NPAS3: variants seen among roughly 807,000 people sequenced by gnomAD.
NPAS3 encodes the protein neuronal PAS domain protein 3.
In NPAS3, 14 loss-of-function variants were observed where a neutral mutation model predicts 73.1. That is an observed-to-expected ratio of 0.19 (90% CI 0.13 to 0.30). NPAS3 has a LOEUF of 0.30. Ranked by LOEUF, NPAS3 falls within the 10% of genes least tolerant of loss-of-function variation. NPAS3 has a pLI of 1.00. For synonymous variants in NPAS3, 620 were observed against 541.5 expected (o/e 1.14, Z -2.01); for missense variants, 1,096 against 1,250.0 (o/e 0.88, Z 1.86).
intron 2 of NPAS3, among the ~76,000 whole-genome samples, chr14:33,100,548 T>TA (rs1181604911): frequency 6.6e-6 from 1 of 152,198 alleles, no homozygotes; most frequent in Non-Finnish European, 1.5e-5. Context: ...GGTAAACTGT[T>TA]ACCTATTTTT....
At chr14:32,935,366 G>A (rs2035664492), upstream of NPAS3, among the ~76,000 whole-genome samples, 1 of 152,180 alleles carries the variant, frequency 6.6e-6, no homozygotes, top group South Asian at 2.1e-4. Flanking sequence ...GCCGGATGCG[G>A]ACCCGCGCAT....
At chr14:33,199,359 G>T (rs968049627) in intron 2 of NPAS3, among the ~76,000 whole-genome samples, 1 of 152,198 alleles carries the variant, frequency 6.6e-6, no homozygotes, top group East Asian at 1.9e-4. Context: ...TGGCAAATGT[G>T]AAGGTCTAGG....
At chr14:33,409,248 C>T (rs887865053) in intron 4 of NPAS3, among the ~76,000 whole-genome samples, 1 of 152,082 alleles carries the variant, frequency 6.6e-6, no homozygotes, top group Non-Finnish European at 1.5e-5. Context: ...AGGATAGTAA[C>T]TGATTAGAGG....
intron 6 of NPAS3, among the ~76,000 whole-genome samples, chr14:33,734,119 C>T (rs771785713): frequency 3.9e-5 from 6 of 152,112 alleles, no homozygotes; most frequent in Non-Finnish European, 8.8e-5. Flanking sequence ...CTCTTTATTA[C>T]ACATATTTCT....
At chr14:33,119,745 T>C (rs2043174428) in intron 2 of NPAS3, among the ~76,000 whole-genome samples, 2 of 152,144 alleles carry the variant, frequency 1.3e-5, no homozygotes, top group African/African-American at 2.4e-5. Context: ...AATCAAGATC[T>C]ATTGTTCACG....
At chr14:33,177,039 AT>A in intron 2 of NPAS3, among the ~76,000 whole-genome samples, 1 of 149,324 alleles carries the variant, frequency 6.7e-6, no homozygotes, top group East Asian at 2.0e-4. Context: ...GTCTATCCAG[AT>A]TCTTTATTTT....
intron 5 of NPAS3, among the ~76,000 whole-genome samples, chr14:33,596,025 C>T (rs188942920): frequency 2.2e-4 from 33 of 152,298 alleles, no homozygotes; most frequent in Non-Finnish European, 3.8e-4. Flanking sequence ...CACTTTACGT[C>T]GGTACCAATG....
chr14:33,242,613 G>C (rs988782049), intron 3 of NPAS3, among the ~76,000 whole-genome samples: 3 of 152,024 alleles, frequency 2.0e-5, no homozygotes, highest in African/African-American at 7.2e-5. Context: ...GTTCAGATGC[G>C]TCAACATTAT....
chr14:32,965,737 G>T (rs1357455868), intron 1 of NPAS3, among the ~76,000 whole-genome samples: 1 of 152,016 alleles, frequency 6.6e-6, no homozygotes, highest in Non-Finnish European at 1.5e-5. Context: ...AGAAATACAG[G>T]GCATCCAAAT....
At chr14:33,484,859 T>C (rs1426157290) in intron 4 of NPAS3, among the ~76,000 whole-genome samples, 1 of 152,088 alleles carries the variant, frequency 6.6e-6, no homozygotes, top group Non-Finnish European at 1.5e-5. Context: ...GTGAGGGGAA[T>C]TGCAACCACG....
intron 7 of NPAS3, among the ~76,000 whole-genome samples, chr14:33,755,130 G>C (rs1265375137): frequency 3.3e-5 from 5 of 152,154 alleles, no homozygotes. Flanking sequence ...GTTGAAAGAG[G>C]ATAATAGTAC....
chr14:33,198,549 C>T (rs941730599), intron 2 of NPAS3, among the ~76,000 whole-genome samples: 1 of 152,082 alleles, frequency 6.6e-6, no homozygotes, highest in East Asian at 1.9e-4. Context: ...AGCTAGATAC[C>T]AGGTGCTGAT....
chr14:33,354,563 C>T (rs1334135154), intron 3 of NPAS3, among the ~76,000 whole-genome samples: 1 of 152,170 alleles, frequency 6.6e-6, no homozygotes, highest in Admixed American at 6.5e-5. Context: ...TAATGACTTG[C>T]AGCCAAATCC....
intron 5 of NPAS3, among the ~76,000 whole-genome samples, chr14:33,565,941 C>A (rs2055906954): frequency 7.2e-6 from 1 of 138,332 alleles, no homozygotes; most frequent in Admixed American, 7.3e-5. Context: ...CTTGTGACCA[C>A]CCCCCTGCCA....
At chr14:33,162,243 A>G (rs59489917) in intron 2 of NPAS3, among the ~76,000 whole-genome samples, 14,276 of 152,204 alleles carry the variant, frequency 0.094, 744 homozygotes, top group African/African-American at 0.14. Flanking sequence ...AGAATAATGA[A>G]TCTCCATGCA....
intron 1 of NPAS3, among the ~76,000 whole-genome samples, chr14:32,990,505 C>T (rs978375156): frequency 1.3e-5 from 2 of 152,182 alleles, no homozygotes; most frequent in Non-Finnish European, 2.9e-5. Context: ...CTCCTTCCCT[C>T]ATTGCCCATT....
At chr14:33,629,059 G>A (rs1041759010) in intron 5 of NPAS3, among the ~76,000 whole-genome samples, 6 of 151,982 alleles carry the variant, frequency 3.9e-5, no homozygotes, top group East Asian at 1.9e-4. Context: ...GTGAAACCCC[G>A]TCTCTACTAA....
At chr14:33,656,254 C>G (rs1836417059) in intron 5 of NPAS3, among the ~76,000 whole-genome samples, 1 of 152,146 alleles carries the variant, frequency 6.6e-6, no homozygotes, top group Non-Finnish European at 1.5e-5. Context: ...TTTCTCTTAT[C>G]AATTGTAATT....
At chr14:33,662,182 G>A (rs2059327229) in intron 5 of NPAS3, among the ~76,000 whole-genome samples, 1 of 152,202 alleles carries the variant, frequency 6.6e-6, no homozygotes, top group Non-Finnish European at 1.5e-5. Context: ...TATCTAGACG[G>A]CATGGAAATG....
Sources: allele counts gnomAD v4.1 joint callset (sites outside exome capture counted in the v4.1 genomes callset), GRCh38; gene constraint gnomAD v4.1.1; transcripts MANE v1.5; gene names NCBI Gene and HGNC (gene_info 2026-07-23, HGNC 2026-07-21).